The following CEP170 variants were observed in gnomAD, a reference collection of about 807,000 sequenced individuals.
The protein encoded by CEP170 is centrosomal protein of 170 kDa.
In CEP170, 21 loss-of-function variants were observed where a neutral mutation model predicts 151.9. The ratio of observed to expected loss-of-function variants is 0.14; its 90% CI spans 0.10 to 0.20. The LOEUF is 0.20. Ranked by LOEUF, CEP170 falls within the 10% of genes least tolerant of loss-of-function variation. The pLI, the probability that CEP170 is intolerant of heterozygous loss-of-function variation, is 1.00. For missense variants in CEP170, 964 were observed against 1,892.9 expected, an observed-to-expected ratio of 0.51 and a Z score of 9.11; for synonymous variants, 356 against 648.8, an observed-to-expected ratio of 0.55 and a Z score of 6.86.
intron 17 of CEP170, 156 bp downstream of exon 17, chr1:243,135,987 A>C (rs572907063): frequency 9.8e-5 from 107 of 1,087,648 alleles, no homozygotes; most frequent in Non-Finnish European, 1.1e-4. Flanking sequence ...ATTACTAATA[A>C]ATTTAAAGTT....
At chr1:243,193,496 A>G (rs2060446415) in intron 7 of CEP170, among the ~76,000 whole-genome samples, 1 of 151,956 alleles carries the variant, frequency 6.6e-6, no homozygotes, top group African/African-American at 2.4e-5. Flanking sequence ...GCTAAATAAA[A>G]CTGATGTGGC....
intron 14 of CEP170, among the ~76,000 whole-genome samples, chr1:243,151,654 A>G (rs911355582): frequency 5.9e-5 from 9 of 152,284 alleles, no homozygotes; most frequent in African/African-American, 1.9e-4. Flanking sequence ...TCCCCCTAAC[A>G]TGAAAGTGCA....
At chr1:243,170,972 C>T (rs2789239) in intron 11 of CEP170, among the ~76,000 whole-genome samples, 9 of 152,284 alleles carry the variant, frequency 5.9e-5, no homozygotes, top group East Asian at 1.9e-4. Flanking sequence ...ACAGTATGAG[C>T]GTCACTGACA....
intron 8 of CEP170, among the ~76,000 whole-genome samples, chr1:243,189,564 A>T (rs2060173080): frequency 1.3e-5 from 2 of 152,012 alleles, no homozygotes; most frequent in African/African-American, 4.8e-5. Flanking sequence ...TCCAAAAAAA[A>T]AAAAAAAAAA....
Position 243,190,869 on chromosome 1 carries a change from A to G in CEP170, c.1108+149T>C, listed in dbSNP as rs370001258. 2.9e-3 allele frequency: 3,651 copies of G among 1,280,084 alleles called. 83 individuals are homozygous for G. In the African/African-American group the frequency reaches 0.048, roughly 17 times the overall value. The allele number at this position is 1,280,084 out of a possible 1,614,324, so 79.3% of individuals were successfully genotyped here. The stretch of plus-strand genomic sequence containing the variant: ...TGAGGAAATTGGACATGGGCAGTGT[A>G]GCTTCCTGTTTAGTTTTAAGACTAA... On this transcript the variant is annotated intron_variant, in intron 8 of 19. Transcript: ENST00000366542.
chr1:243,225,288 T>A lies in CEP170; in HGVS notation c.-8A>T. 2.5e-6 allele frequency: 4 copies of A among 1,572,864 alleles called. No individual in the cohort carries two copies. Among genetic ancestry groups the A allele is most frequent in the Non-Finnish European group, 3.5e-6 (4 of 1,158,018 alleles). On this transcript the variant is annotated 5_prime_UTR_variant, in exon 2 of 20. It adds an upstream start codon to the 5' untranslated region. Coordinates refer to ENST00000366542, the MANE Select transcript of CEP170 (RefSeq NM_014812.3). ...CCAGGATGTTAAGCTCATTTTCTGC[T>A]TAGCTTCTAAGTCTTTGGCAAAGCT...
At chr1:243,240,547 A>G (rs1337595416) in intron 1 of CEP170, among the ~76,000 whole-genome samples, 1 of 151,900 alleles carries the variant, frequency 6.6e-6, no homozygotes, top group Non-Finnish European at 1.5e-5. Context: ...GAACACTTCT[A>G]TGTGTGTATG....
chr1:243,140,888 T>C (rs1477961153), intron 15 of CEP170, among the ~76,000 whole-genome samples: 2 of 152,212 alleles, frequency 1.3e-5, no homozygotes, highest in Non-Finnish European at 2.9e-5. Flanking sequence ...AAATAATATC[T>C]TCAACATTTT....
chr1:243,168,049 ATAATACT>A (rs1240822895), intron 12 of CEP170, among the ~76,000 whole-genome samples: 5 of 152,098 alleles, frequency 3.3e-5, no homozygotes, highest in Admixed American at 3.3e-4. Flanking sequence ...CTTTTCACAG[ATAATACT>A]TAATAATTTT....
chr1:243,183,816 T>C (rs2059776594), intron 10 of CEP170, among the ~76,000 whole-genome samples: 1 of 152,210 alleles, frequency 6.6e-6, no homozygotes, highest in Non-Finnish European at 1.5e-5. Flanking sequence ...CTATCCACAG[T>C]GTGACCATAT....
chr1:243,213,886 A>C (rs550961933), intron 3 of CEP170, among the ~76,000 whole-genome samples: 22 of 152,022 alleles, frequency 1.4e-4, no homozygotes, highest in African/African-American at 4.8e-4. Flanking sequence ...CTAATTTTTA[A>C]ATTTTTTGTA....
intron 4 of CEP170, among the ~76,000 whole-genome samples, chr1:243,206,028 G>T (rs1214209002): frequency 6.6e-6 from 1 of 151,958 alleles, no homozygotes; most frequent in Non-Finnish European, 1.5e-5. Flanking sequence ...TAATCAAACA[G>T]TTCAAAGCCA....
intron 10 of CEP170, chr1:243,176,875 C>T (rs541276103): frequency 2.3e-5 from 9 of 399,216 alleles, no homozygotes; most frequent in Middle Eastern, 7.2e-4. Context: ...AAGAACCAAA[C>T]GATATTTTTA....
rs1198548933 is a variant in CEP170 at position 243,124,691 on chromosome 1, A to G, written c.*1758T>C. The stretch of plus-strand genomic sequence containing the variant: ...TATAATCAGTACCCAAATATTAAAT[A>G]AAAGAGGGAGCAATGCTGATTATTT... On this transcript the variant is annotated 3_prime_UTR_variant, in exon 20 of 20. Transcript: ENST00000366542. 6.6e-6 allele frequency: 1 copy of G among 152,556 alleles called. No individual in the cohort carries two copies. Among genetic ancestry groups the G allele is most frequent in the Non-Finnish European group, 1.5e-5 (1 of 67,998 alleles). 9.5% of individuals were successfully genotyped at this position (152,556 alleles called of 1,614,324 possible). A position where few individuals can be genotyped will look rare whatever the true frequency, so the allele number is the denominator to read the frequency against.
intron 14 of CEP170, among the ~76,000 whole-genome samples, chr1:243,147,154 A>G (rs1168860165): frequency 6.6e-6 from 1 of 152,220 alleles, no homozygotes; most frequent in Non-Finnish European, 1.5e-5. Context: ...AGTATATAAA[A>G]AAGTACCCAG....
At chr1:243,131,805 T>A (rs1323458839) in intron 17 of CEP170, among the ~76,000 whole-genome samples, 1 of 152,182 alleles carries the variant, frequency 6.6e-6, no homozygotes, top group African/African-American at 2.4e-5. Context: ...TGAAAATACA[T>A]AAAATTCCAA....
intron 4 of CEP170, among the ~76,000 whole-genome samples, chr1:243,209,748 C>T (rs1379958291): frequency 2.0e-5 from 3 of 150,934 alleles, no homozygotes; most frequent in Admixed American, 6.6e-5. Context: ...GGCACGATCT[C>T]GGCTCACTGC....
At chr1:243,170,721 G>C (rs768201334) in intron 11 of CEP170, among the ~76,000 whole-genome samples, 3 of 152,228 alleles carry the variant, frequency 2.0e-5, no homozygotes, top group Non-Finnish European at 4.4e-5. Flanking sequence ...GTGAACCCGG[G>C]AGGCAGAGGT....
chr1:243,202,851 A>G (rs1243082216), intron 4 of CEP170, among the ~76,000 whole-genome samples: 1 of 152,156 alleles, frequency 6.6e-6, no homozygotes, highest in Non-Finnish European at 1.5e-5. Flanking sequence ...TTCCATGGAA[A>G]ACACAAGTGA....
Sources: gnomAD v4.1 joint callset for allele counts (sites outside exome capture counted in the v4.1 genomes callset) on GRCh38, gnomAD v4.1.1 for gene constraint, MANE v1.5 for transcripts, NCBI Gene and HGNC (gene_info 2026-07-23, HGNC 2026-07-21) for gene names.